Variants in SPTBN1 observed in about 807,000 individuals in gnomAD.
SPTBN1 encodes spectrin beta chain, non-erythrocytic 1.
Under a neutral mutation model 266.4 loss-of-function variants are expected in SPTBN1, and 32 were observed. That is an observed-to-expected ratio of 0.12 (90% CI 0.09 to 0.16). The LOEUF is 0.16. Among genes scored for constraint, SPTBN1 ranks in the 10% least tolerant of loss-of-function variants. SPTBN1 has a pLI of 1.00. For missense variants in SPTBN1, 2,296 were observed against 3,067.1 expected, an observed-to-expected ratio of 0.75 and a Z score of 5.94; for synonymous variants, 1,336 against 1,162.2, an observed-to-expected ratio of 1.15 and a Z score of -3.04.
At chr2:54,522,948 T>C (rs1670575111) in intron 1 of SPTBN1, among the ~76,000 whole-genome samples, 1 of 152,098 alleles carries the variant, frequency 6.6e-6, no homozygotes, top group Non-Finnish European at 1.5e-5. Flanking sequence ...GGGTTTTACC[T>C]TGGGTTGGGT....
intron 29 of SPTBN1, among the ~76,000 whole-genome samples, chr2:54,656,484 A>G (rs1311418163): frequency 6.6e-6 from 1 of 152,188 alleles, no homozygotes. Flanking sequence ...GACCCTGTGA[A>G]TTAGATTCTA....
chr2:54,486,431 G>C (rs993951610), intron 1 of SPTBN1, among the ~76,000 whole-genome samples: 1 of 152,156 alleles, frequency 6.6e-6, no homozygotes, highest in East Asian at 1.9e-4. Context: ...CCCCAACCCT[G>C]TGCTCTCTGA....
chr2:54,537,985 C>T (rs1671708710), intron 2 of SPTBN1, among the ~76,000 whole-genome samples: 1 of 152,118 alleles, frequency 6.6e-6, no homozygotes, highest in African/African-American at 2.4e-5. Context: ...CTGTTTCCCC[C>T]AAAGGGGAAA....
chr2:54,457,772 G>A (rs561587325), intron 1 of SPTBN1, among the ~76,000 whole-genome samples: 2 of 152,350 alleles, frequency 1.3e-5, no homozygotes, highest in Non-Finnish European at 2.9e-5. Flanking sequence ...AGCTTCTGCT[G>A]GATGTGGCGT....
chr2:54,465,639 CATATATATATATATATAT>C (rs70944167), intron 1 of SPTBN1, among the ~76,000 whole-genome samples: 1 of 116,360 alleles, frequency 8.6e-6, no homozygotes, highest in Admixed American at 9.1e-5. Flanking sequence ...ATGTTTATCT[CATATATATATATATATAT>C]ATATATATAT....
At chr2:54,595,173 T>G (rs910306024) in intron 2 of SPTBN1, among the ~76,000 whole-genome samples, 1 of 152,218 alleles carries the variant, frequency 6.6e-6, no homozygotes, top group African/African-American at 2.4e-5. Context: ...ATTTCTTTGC[T>G]GGAGAAAAGA....
chr2:54,642,991 C>T lies in SPTBN1; in HGVS notation c.3867C>T (p.Leu1289=). ...TTCTGATCTTTCTGTAGCTGTCTCT[C>T]TGGATCAATGAGAAGATGCTCACAG... is the stretch of plus-strand genomic sequence containing the variant. ...KFLQDCQELS[L]WINEKMLTAQ... The change falls in exon 19 of 36, where the codon CTC becomes CTT. Residue 1289 remains leucine (L), a synonymous_variant. Coordinates refer to ENST00000356805, the MANE Select transcript of SPTBN1 (RefSeq NM_003128.3). 7 of 1,613,236 alleles carry T rather than the reference C, an allele frequency of 4.3e-6. No individual in the cohort carries two copies. In the South Asian group the frequency reaches 5.5e-5, roughly 13 times the overall value.
chr2:54,650,620 T>A (rs908218088), intron 26 of SPTBN1, among the ~76,000 whole-genome samples: 1 of 152,252 alleles, frequency 6.6e-6, no homozygotes, highest in African/African-American at 2.4e-5. Flanking sequence ...TTATTAAAGA[T>A]GTTATCCCTG....
rs1435120150 is a variant in SPTBN1 at position 54,629,526 on chromosome 2, C to T, written c.2392C>T (p.Pro798Ser). ...DVAEEIANYR[P>S]TLDTLHEQAS... ...GGCGGAAGAGATCGCCAATTACAGG[C>T]CCACCCTTGACACGCTGCACGAACA... Residue 798 changes from proline (P) to serine (S), a missense_variant, in exon 14 of 36, where the codon CCC (proline) becomes TCC (serine). By Grantham distance (74) the Pro-to-Ser change is moderately conservative. Transcript: ENST00000356805. 2.5e-6 allele frequency: 4 copies of T among 1,613,990 alleles called. No individual in the cohort carries two copies. In the Admixed American group the frequency reaches 6.7e-5, roughly 27 times the overall value.
At chr2:54,525,863 C>G (rs892565697) in intron 1 of SPTBN1, among the ~76,000 whole-genome samples, 4 of 152,228 alleles carry the variant, frequency 2.6e-5, no homozygotes, top group African/African-American at 9.6e-5. Context: ...ACCCAAGTAG[C>G]TGGGATTACA....
chr2:54,584,090 C>A (rs1308536509), intron 2 of SPTBN1, among the ~76,000 whole-genome samples: 1 of 152,146 alleles, frequency 6.6e-6, no homozygotes, highest in African/African-American at 2.4e-5. Context: ...TATGCAGTTA[C>A]TTACATTTAA....
chr2:54,590,182 A>G (rs1452761001), intron 2 of SPTBN1, among the ~76,000 whole-genome samples: 1 of 152,248 alleles, frequency 6.6e-6, no homozygotes, highest in African/African-American at 2.4e-5. Context: ...TTTTAGTCTG[A>G]ATGACAGCAC....
Position 54,628,189 on chromosome 2 carries a change from C to T in SPTBN1, c.1737C>T (p.Ile579=). 2.5e-6 allele frequency: 4 copies of T among 1,614,078 alleles called. No homozygotes were observed. Among genetic ancestry groups the T allele is most frequent in the Non-Finnish European group, 2.5e-6 (3 of 1,179,990 alleles). ...KHTLVEADIG[I]QAERVRGVNA... is the part of the protein sequence containing the mutation. Reference sequence around the variant, plus strand: ...CCCTGGTTGAAGCAGACATTGGCATCCAGGCAGAGCGGGTGAGAGGTGTCA... The same window carrying T: ...CCCTGGTTGAAGCAGACATTGGCATTCAGGCAGAGCGGGTGAGAGGTGTCA... Residue 579 remains isoleucine, a synonymous_variant, in exon 13 of 36, where the codon ATC becomes ATT. Transcript: ENST00000356805. The surrounding 1 kb of genome is among the most constrained non-coding windows in gnomAD (Gnocchi z 4.3).
At position 54,629,266 on chromosome 2, in the gene SPTBN1, G is replaced by C; in HGVS notation, c.2132G>C (p.Gly711Ala). 1.2e-6 allele frequency: 2 copies of C among 1,614,048 alleles called. No individual in the cohort carries two copies. Among genetic ancestry groups the C allele is most frequent in the Non-Finnish European group, 1.7e-6 (2 of 1,180,052 alleles). ...GEDMIAEEHF[G>A]SEKIRERIIY... ...GACATGATCGCGGAGGAGCACTTCG[G>C]GTCGGAGAAGATCCGTGAGAGGATC... The change falls in exon 14 of 36, where the codon GGG (glycine) becomes GCG (alanine). Residue 711 changes from glycine (G) to alanine (A), a missense_variant. Physicochemically the swap from Gly to Ala is moderately conservative, Grantham distance 60 (BLOSUM62 0). Transcript: ENST00000356805.
In SPTBN1 at chr2:54,612,341, GTC is replaced by G. The variant is rs778770696; in HGVS notation, c.474+11_474+12del. 1 of 1,609,628 alleles carries G rather than the reference GTC, an allele frequency of 6.2e-7. No individual in the cohort carries two copies. The highest frequency in any genetic ancestry group is 1.3e-5 in the African/African-American group (1 of 74,964). ...CATCATCCTGCGCTTCCAGGTAAGG[GTC>G]TCTGCCCAGGGTTGCTCAGAACTTA... is the stretch of plus-strand genomic sequence containing the variant. On this transcript the variant is annotated splice_region_variant and intron_variant, in intron 4 of 35. Coordinates refer to ENST00000356805, the MANE Select transcript of SPTBN1 (RefSeq NM_003128.3).
intron 19 of SPTBN1, among the ~76,000 whole-genome samples, chr2:54,643,778 G>A (rs1679736461): frequency 6.6e-6 from 1 of 152,154 alleles, no homozygotes; most frequent in African/African-American, 2.4e-5. Context: ...GAGGCCAGGA[G>A]TTTCAGACCA....
chr2:54,599,031 C>T (rs1201799770), intron 2 of SPTBN1, 61 bp from the exon 3 acceptor site: 2 of 1,581,608 alleles, frequency 1.3e-6, no homozygotes, highest in Non-Finnish European at 1.7e-6. Flanking sequence ...GCCCTGCTAG[C>T]ATGTGCCTGC....
chr2:54,520,014 G>C (rs1331565801), intron 1 of SPTBN1, among the ~76,000 whole-genome samples: 1 of 152,166 alleles, frequency 6.6e-6, no homozygotes, highest in Non-Finnish European at 1.5e-5. Flanking sequence ...CGGAGTTAGT[G>C]ATTGTTAGGA....
At chr2:54,647,004 CT>C in intron 23 of SPTBN1, 126 bp from the exon 24 acceptor site, 9 of 1,380,346 alleles carry the variant, frequency 6.5e-6, no homozygotes, top group Non-Finnish European at 9.0e-6. Context: ...ACTGTCCGTA[CT>C]GCACCTCTGG....
Sources: gnomAD v4.1 joint callset for allele counts (sites outside exome capture counted in the v4.1 genomes callset) on GRCh38, gnomAD v4.1.1 for gene constraint, Gnocchi (gnomAD v3.1) non-coding constraint, MANE v1.5 for transcripts, NCBI Gene and HGNC (gene_info 2026-07-23, HGNC 2026-07-21) for gene names.